Variants in SAMD4A observed in about 807,000 individuals in gnomAD.
SAMD4A encodes the protein sterile alpha motif domain containing 4A, also known as protein Smaug homolog 1.
A neutral mutation model predicts 81.3 loss-of-function variants in SAMD4A; 33 were observed. The ratio of observed to expected loss-of-function variants is 0.41; its 90% CI spans 0.31 to 0.54. The LOEUF (loss-of-function observed/expected upper bound fraction) is 0.54, where lower values mean the gene tolerates loss of function less well. SAMD4A is among the 20% of genes least tolerant of loss of function. SAMD4A has a pLI of 0.37. For missense variants in SAMD4A, 854 were observed against 951.1 expected (o/e 0.90, Z 1.34); for synonymous variants, 389 against 382.1 (o/e 1.02, Z -0.21).
At chr14:54,697,996 A>G (rs1957360) in intron 2 of SAMD4A, among the ~76,000 whole-genome samples, 39,248 of 152,190 alleles carry the variant, frequency 0.26, 5,803 homozygotes, top group Admixed American at 0.35. Flanking sequence ...AGGGGAGGCC[A>G]TAATGCCTTT....
At chr14:54,788,552 A>C (rs1422855136) in intron 12 of SAMD4A, among the ~76,000 whole-genome samples, 1 of 152,118 alleles carries the variant, frequency 6.6e-6, no homozygotes, top group Non-Finnish European at 1.5e-5. Context: ...TCCCAGGCCA[A>C]CCGGGCAGCC....
At chr14:54,704,464 A>G (rs2036802594) in intron 3 of SAMD4A, among the ~76,000 whole-genome samples, 1 of 152,234 alleles carries the variant, frequency 6.6e-6, no homozygotes, top group African/African-American at 2.4e-5. Context: ...TGATTTATAC[A>G]TTCAGGATCA....
At chr14:54,604,222 T>C (rs1026507563) in intron 2 of SAMD4A, among the ~76,000 whole-genome samples, 2 of 152,204 alleles carry the variant, frequency 1.3e-5, no homozygotes, top group Non-Finnish European at 2.9e-5. Context: ...CTCTTCCAGT[T>C]TGTGGTGTTT....
At chr14:54,762,999 C>T (rs1372317976) in intron 7 of SAMD4A, among the ~76,000 whole-genome samples, 1 of 151,764 alleles carries the variant, frequency 6.6e-6, no homozygotes, top group South Asian at 2.1e-4. Context: ...GGACTACAGG[C>T]GCCCGCCACC....
intron 2 of SAMD4A, among the ~76,000 whole-genome samples, chr14:54,587,151 TTA>T (rs2033645466): frequency 6.6e-6 from 1 of 152,176 alleles, no homozygotes; most frequent in Admixed American, 6.5e-5. Context: ...ATGTCCTTGG[TTA>T]GGTATATTCC....
At position 54,789,694 on chromosome 14, in the gene SAMD4A, G is replaced by A. The variant is rs2039226680; in HGVS notation, c.*750G>A. On this transcript the variant is annotated 3_prime_UTR_variant, in exon 13 of 13. Coordinates refer to ENST00000554335, the MANE Select transcript of SAMD4A (RefSeq NM_015589.6). ...CTATTTTTATAAGAGCAGCAGAGTTGTCTTCTCAAAACGGCTGCCAAGCTC... is the reference window on the plus strand; with the variant it reads ...CTATTTTTATAAGAGCAGCAGAGTTATCTTCTCAAAACGGCTGCCAAGCTC... 1 of 152,260 alleles carries A rather than the reference G, an allele frequency of 6.6e-6. No homozygotes were observed. 9.4% of individuals were successfully genotyped at this position (152,260 alleles called of 1,614,324 possible).
At chr14:54,742,806 A>G (rs2037877270) in intron 4 of SAMD4A, among the ~76,000 whole-genome samples, 1 of 152,228 alleles carries the variant, frequency 6.6e-6, no homozygotes, top group South Asian at 2.1e-4. Context: ...AGAAAAAGAA[A>G]CAACTGGCCC....
At chr14:54,716,625 T>TG (rs2037124718) in intron 3 of SAMD4A, among the ~76,000 whole-genome samples, 1 of 152,164 alleles carries the variant, frequency 6.6e-6, no homozygotes, top group Admixed American at 6.5e-5. Flanking sequence ...AACTCTTAAA[T>TG]GGGGGTAAGG....
At position 54,790,529 on chromosome 14, in the gene SAMD4A, A is replaced by C. The variant is rs148178755; in HGVS notation, c.*1585A>C. The C allele has an allele frequency of 2.0e-5, 3 of 152,346 alleles. No homozygotes were observed. Among genetic ancestry groups the C allele is most frequent in the Non-Finnish European group, 4.4e-5 (3 of 68,042 alleles). 9.4% of individuals were successfully genotyped at this position (152,346 alleles called of 1,614,324 possible). ...GAAAGGCTACATTTCAGAATTTGAC[A>C]CAGTGGAGGGTATTAGAGGAAATCA... On this transcript the variant is annotated 3_prime_UTR_variant, in exon 13 of 13. Coordinates refer to ENST00000554335, the MANE Select transcript of SAMD4A (RefSeq NM_015589.6).
chr14:54,762,858 CTT>C (rs35747854), intron 7 of SAMD4A, among the ~76,000 whole-genome samples: 6 of 142,272 alleles, frequency 4.2e-5, no homozygotes, highest in Non-Finnish European at 6.1e-5. Flanking sequence ...TGAATATTCA[CTT>C]TTTTTTTTTT....
chr14:54,613,304 C>T (rs1327730249), intron 2 of SAMD4A, among the ~76,000 whole-genome samples: 2 of 152,022 alleles, frequency 1.3e-5, no homozygotes, highest in African/African-American at 4.8e-5. Context: ...GTGCAGGGGC[C>T]GGGTGGAGAC....
At chr14:54,659,181 T>C (rs2035586063) in intron 2 of SAMD4A, among the ~76,000 whole-genome samples, 1 of 152,220 alleles carries the variant, frequency 6.6e-6, no homozygotes, top group Non-Finnish European at 1.5e-5. Flanking sequence ...CCTTTTTTTA[T>C]GCCCAGACAC....
intron 9 of SAMD4A, among the ~76,000 whole-genome samples, chr14:54,771,688 T>C (rs939875642): frequency 6.6e-6 from 1 of 152,220 alleles, no homozygotes; most frequent in Non-Finnish European, 1.5e-5. Flanking sequence ...GCAATACTTT[T>C]CCCAGGTGAA....
At chr14:54,691,893 C>T (rs190808647) in intron 2 of SAMD4A, among the ~76,000 whole-genome samples, 43 of 152,348 alleles carry the variant, frequency 2.8e-4, no homozygotes, top group Non-Finnish European at 4.4e-4. Flanking sequence ...AATATCCTGC[C>T]TCCACAAAAT....
At chr14:54,571,441 A>G (rs1323404617) in intron 2 of SAMD4A, among the ~76,000 whole-genome samples, 1 of 152,236 alleles carries the variant, frequency 6.6e-6, no homozygotes. Flanking sequence ...GATACCTACA[A>G]GTAGCAAAAA....
chr14:54,593,402 A>C (rs569373192), intron 2 of SAMD4A, among the ~76,000 whole-genome samples: 17 of 152,280 alleles, frequency 1.1e-4, no homozygotes, highest in Admixed American at 3.3e-4. Flanking sequence ...CCATCCATCA[A>C]CTATTTCTTG....
intron 2 of SAMD4A, among the ~76,000 whole-genome samples, chr14:54,600,577 G>A (rs983237274): frequency 1.3e-5 from 2 of 152,176 alleles, no homozygotes; most frequent in Non-Finnish European, 2.9e-5. Flanking sequence ...GACTAAAATT[G>A]TTTTCTTTGT....
intron 3 of SAMD4A, among the ~76,000 whole-genome samples, chr14:54,733,846 T>A (rs1026711041): frequency 1.3e-5 from 2 of 151,476 alleles, no homozygotes; most frequent in Non-Finnish European, 2.9e-5. Flanking sequence ...AAAAAACTTC[T>A]GCCCGAATGT....
chr14:54,769,422 G>GAAAT (rs1267300198), intron 8 of SAMD4A, among the ~76,000 whole-genome samples: 1 of 152,152 alleles, frequency 6.6e-6, no homozygotes, highest in Admixed American at 6.5e-5. Context: ...AACGCAAAAG[G>GAAAT]AAATATAACA....
Sources: gnomAD v4.1 joint callset for allele counts (sites outside exome capture counted in the v4.1 genomes callset) on GRCh38, gnomAD v4.1.1 for gene constraint, MANE v1.5 for transcripts, NCBI Gene and HGNC (gene_info 2026-07-23, HGNC 2026-07-21) for gene names.